The following SYT9 variants were observed in gnomAD, a reference collection of about 807,000 sequenced individuals.
SYT9 encodes the protein synaptotagmin 9.
In SYT9, 22 loss-of-function variants were observed where a neutral mutation model predicts 48.4. That is an observed-to-expected ratio of 0.45 (90% confidence interval 0.32 to 0.65). The LOEUF is 0.65. SYT9 is among the 30% of genes least tolerant of loss of function. The pLI is 0.03. For synonymous variants in SYT9, 265 were observed against 245.0 expected, an observed-to-expected ratio of 1.08 and a Z score of -0.76; for missense variants, 577 against 622.0, an observed-to-expected ratio of 0.93 and a Z score of 0.77.
At chr11:7,276,989 G>A (rs1197918335) in intron 1 of SYT9, among the ~76,000 whole-genome samples, 1 of 152,122 alleles carries the variant, frequency 6.6e-6, no homozygotes, top group Non-Finnish European at 1.5e-5. Flanking sequence ...GGGAAGTGGA[G>A]GTTGCAGTGA....
intron 3 of SYT9, among the ~76,000 whole-genome samples, chr11:7,387,361 G>A (rs1850682537): frequency 6.6e-6 from 1 of 151,850 alleles, no homozygotes; most frequent in Non-Finnish European, 1.5e-5. Context: ...AAAATAAAAT[G>A]TGCTTCTTGA....
intron 1 of SYT9, among the ~76,000 whole-genome samples, chr11:7,256,621 T>C (rs1276480742): frequency 6.6e-6 from 1 of 152,218 alleles, no homozygotes; most frequent in Non-Finnish European, 1.5e-5. Flanking sequence ...GAGCCACCCT[T>C]AGACCTACTT....
intron 3 of SYT9, among the ~76,000 whole-genome samples, chr11:7,400,419 A>G (rs1260212832): frequency 6.6e-6 from 1 of 152,244 alleles, no homozygotes; most frequent in Non-Finnish European, 1.5e-5. Context: ...AGAAGTAGAT[A>G]TTAAGAAGTT....
At chr11:7,397,679 T>G (rs1369751462) in intron 3 of SYT9, among the ~76,000 whole-genome samples, 1 of 152,158 alleles carries the variant, frequency 6.6e-6, no homozygotes, top group Non-Finnish European at 1.5e-5. Flanking sequence ...TATTTATATC[T>G]TATCTAATTT....
intron 3 of SYT9, among the ~76,000 whole-genome samples, chr11:7,394,722 T>C (rs972678232): frequency 6.6e-6 from 1 of 152,204 alleles, no homozygotes; most frequent in African/African-American, 2.4e-5. Flanking sequence ...CTCTGCCAGC[T>C]CTGGGATTAG....
intron 3 of SYT9, among the ~76,000 whole-genome samples, chr11:7,341,413 T>G (rs1449107288): frequency 6.6e-6 from 1 of 152,130 alleles, no homozygotes; most frequent in African/African-American, 2.4e-5. Context: ...AGGGTGGATT[T>G]TTCCCATGCT....
chr11:7,244,452 G>A (rs528550557), intron 1 of SYT9, among the ~76,000 whole-genome samples: 2 of 152,310 alleles, frequency 1.3e-5, no homozygotes, highest in African/African-American at 4.8e-5. Context: ...ACAGATTAAA[G>A]GCTATTGATG....
intron 1 of SYT9, among the ~76,000 whole-genome samples, chr11:7,242,141 G>T (rs998200992): frequency 1.3e-5 from 2 of 152,256 alleles, no homozygotes; most frequent in Non-Finnish European, 2.9e-5. Flanking sequence ...GCATAGGCCA[G>T]TCTGGAAAGA....
At chr11:7,306,727 G>T (rs1431035869) in intron 2 of SYT9, among the ~76,000 whole-genome samples, 1 of 152,096 alleles carries the variant, frequency 6.6e-6, no homozygotes, top group Non-Finnish European at 1.5e-5. Context: ...CACTCCATCT[G>T]AAGTCTGTGT....
chr11:7,284,640 A>G (rs1419629417), intron 1 of SYT9, among the ~76,000 whole-genome samples: 2 of 151,888 alleles, frequency 1.3e-5, no homozygotes, highest in Admixed American at 1.3e-4. Context: ...AAGTTCTGAT[A>G]TTTCATAGCA....
intron 3 of SYT9, among the ~76,000 whole-genome samples, chr11:7,335,473 C>A (rs1418508227): frequency 6.6e-6 from 1 of 152,080 alleles, no homozygotes; most frequent in African/African-American, 2.4e-5. Context: ...CTCCCACCCT[C>A]CACCCCCAGA....
chr11:7,382,617 A>G (rs768107398), intron 3 of SYT9, among the ~76,000 whole-genome samples: 35 of 152,234 alleles, frequency 2.3e-4, no homozygotes, highest in Non-Finnish European at 4.6e-4. Flanking sequence ...AGTCATTCAC[A>G]TATAAATGGC....
At chr11:7,420,737 A>G in intron 6 of SYT9, 102 bp downstream of exon 6, 1 of 1,444,928 alleles carries the variant, frequency 6.9e-7, no homozygotes, top group Non-Finnish European at 9.4e-7. Context: ...ATCTATGGTC[A>G]TAGACGGGTT....
At chr11:7,303,508 A>G in intron 2 of SYT9, 118 bp downstream of exon 2, 1 of 913,182 alleles carries the variant, frequency 1.1e-6, no homozygotes, top group Non-Finnish European at 1.6e-6. Flanking sequence ...GTTCTGTATC[A>G]GAGACATGAA....
intron 3 of SYT9, among the ~76,000 whole-genome samples, chr11:7,401,319 T>C (rs1299173410): frequency 6.6e-6 from 1 of 150,630 alleles, no homozygotes; most frequent in African/African-American, 2.4e-5. Flanking sequence ...ATATATATAA[T>C]ACATATATAT....
intron 5 of SYT9, among the ~76,000 whole-genome samples, chr11:7,418,421 C>T (rs2134100907): frequency 6.6e-6 from 1 of 152,332 alleles, no homozygotes; most frequent in Middle Eastern, 3.4e-3. Flanking sequence ...CTTTGCACAA[C>T]TCCTAGAATC....
At chr11:7,404,323 C>G (rs1846960656) in intron 3 of SYT9, among the ~76,000 whole-genome samples, 1 of 152,080 alleles carries the variant, frequency 6.6e-6, no homozygotes. Flanking sequence ...TTTAAATTTA[C>G]TACCTTACTA....
rs1448286224 is a variant in SYT9, at chr11:7,251,987, A to G, written c.-200A>G. 2.0e-6 allele frequency: 1 copy of G among 490,958 alleles called. No homozygotes were observed. Among genetic ancestry groups the G allele is most frequent in the Non-Finnish European group, 3.4e-6 (1 of 296,418 alleles). The allele number at this position is 490,958 out of a possible 1,614,324, so 30.4% of individuals were successfully genotyped here. A position where few individuals can be genotyped will look rare whatever the true frequency, so the allele number is the denominator to read the frequency against. ...GCGGGAGAGAGAGAAAGCCTGACCG[A>G]CCGGCTGGCGAAGAGCTGCATGCAA... On this transcript the variant is annotated 5_prime_UTR_variant, in exon 1 of 7. Transcript: ENST00000318881.
intron 1 of SYT9, among the ~76,000 whole-genome samples, chr11:7,277,825 A>G (rs1030102558): frequency 6.6e-6 from 1 of 152,228 alleles, no homozygotes; most frequent in Non-Finnish European, 1.5e-5. Context: ...TCACAGTGGC[A>G]TGCATAGATT....
Sources: gnomAD v4.1 joint callset for allele counts (sites outside exome capture counted in the v4.1 genomes callset) on GRCh38, gnomAD v4.1.1 for gene constraint, MANE v1.5 for transcripts, NCBI Gene and HGNC (gene_info 2026-07-23, HGNC 2026-07-21) for gene names.